PPARGC1A: variants seen among roughly 807,000 people sequenced by gnomAD.
PPARGC1A encodes the protein peroxisome proliferator-activated receptor gamma coactivator 1-alpha.
Under a neutral mutation model 88.7 loss-of-function variants are expected in PPARGC1A, and 25 were observed. The ratio of observed to expected loss-of-function variants is 0.28; its 90% CI spans 0.21 to 0.39. The LOEUF (loss-of-function observed/expected upper bound fraction) is 0.39. Among genes scored for constraint, PPARGC1A ranks in the 10% least tolerant of loss-of-function variants. The pLI is 1.00. For missense variants in PPARGC1A, 880 were observed against 968.7 expected (o/e 0.91, Z 1.22); for synonymous variants, 363 against 355.6 (o/e 1.02, Z -0.24).
chr4:23,806,644 TTG>T (rs1377252777), intron 10 of PPARGC1A, among the ~76,000 whole-genome samples: 1 of 152,186 alleles, frequency 6.6e-6, no homozygotes, highest in African/African-American at 2.4e-5. Flanking sequence ...GATAATAAAA[TTG>T]AAGACTTACA....
At chr4:24,096,898 T>A in the PPARGC1A span, among the ~76,000 whole-genome samples, 1 of 152,284 alleles carries the variant, frequency 6.6e-6, no homozygotes, top group Non-Finnish European at 1.5e-5. Context: ...CAGTCAGTCC[T>A]CCCTGATTTA....
At chr4:24,049,292 GTATATATATATGTGTGTA>G in the PPARGC1A span, among the ~76,000 whole-genome samples, 21 of 92,620 alleles carry the variant, frequency 2.3e-4, no homozygotes, top group African/African-American at 7.2e-4. Flanking sequence ...ATATATGTGT[GTATATATATATGTGTGTA>G]TATATATATA....
chr4:24,364,340 C>T, the PPARGC1A span, among the ~76,000 whole-genome samples: 2 of 152,180 alleles, frequency 1.3e-5, no homozygotes, highest in African/African-American at 4.8e-5. Flanking sequence ...TATGACATTT[C>T]GGATGAGAAA....
At chr4:23,994,711 A>G in the PPARGC1A span, among the ~76,000 whole-genome samples, 1 of 152,174 alleles carries the variant, frequency 6.6e-6, no homozygotes, top group Non-Finnish European at 1.5e-5. Flanking sequence ...ACAAATGCAT[A>G]AAACATCATA....
At chr4:24,036,633 G>C in the PPARGC1A span, among the ~76,000 whole-genome samples, 1 of 150,288 alleles carries the variant, frequency 6.7e-6, no homozygotes, top group Non-Finnish European at 1.5e-5. Context: ...AAAAAAAGAT[G>C]AGAAACAAAA....
chr4:24,212,626 A>G, the PPARGC1A span, among the ~76,000 whole-genome samples: 49 of 152,360 alleles, frequency 3.2e-4, no homozygotes, highest in Admixed American at 8.5e-4. Context: ...AAAAAGGCTT[A>G]TGGTGATAAT....
intron 12 of PPARGC1A, among the ~76,000 whole-genome samples, chr4:23,798,977 C>A (rs1283506391): frequency 6.6e-6 from 1 of 152,070 alleles, no homozygotes; most frequent in Non-Finnish European, 1.5e-5. Context: ...GATGTATAAG[C>A]TAACTTAATT....
At chr4:24,348,478 T>A in the PPARGC1A span, among the ~76,000 whole-genome samples, 2 of 152,200 alleles carry the variant, frequency 1.3e-5, no homozygotes, top group South Asian at 4.1e-4. Flanking sequence ...AATCCCAGAC[T>A]TCTTGGAGGC....
chr4:24,312,453 A>G, the PPARGC1A span, among the ~76,000 whole-genome samples: 1 of 151,950 alleles, frequency 6.6e-6, no homozygotes, highest in African/African-American at 2.4e-5. Context: ...CCCAGGACTG[A>G]GCTCTGAGGC....
chr4:23,901,660 T>C (rs1312151873), upstream of PPARGC1A, among the ~76,000 whole-genome samples: 2 of 152,130 alleles, frequency 1.3e-5, no homozygotes, highest in Non-Finnish European at 2.9e-5. Context: ...TATCAAATTG[T>C]GTTTTAAATG....
intron 1 of PPARGC1A, among the ~76,000 whole-genome samples, chr4:23,899,040 C>T (rs1426744635): frequency 6.8e-6 from 1 of 148,128 alleles, no homozygotes; most frequent in South Asian, 2.2e-4. Flanking sequence ...CGGGGTTTCA[C>T]CATGTTGGTC....
the PPARGC1A span, among the ~76,000 whole-genome samples, chr4:24,334,709 G>T: frequency 6.6e-6 from 1 of 152,204 alleles, no homozygotes. Context: ...ATGTTGGGGG[G>T]CATGTGAAGG....
the PPARGC1A span, among the ~76,000 whole-genome samples, chr4:24,188,990 G>A: frequency 3.9e-5 from 6 of 152,222 alleles, no homozygotes; most frequent in East Asian, 3.9e-4. Flanking sequence ...GCTGACACAC[G>A]CTACAACATG....
chr4:23,915,278 G>A, the PPARGC1A span, among the ~76,000 whole-genome samples: 1 of 152,106 alleles, frequency 6.6e-6, no homozygotes, highest in South Asian at 2.1e-4. Context: ...AAAATGAACA[G>A]GGAAGTAAAT....
intron 2 of PPARGC1A, among the ~76,000 whole-genome samples, chr4:23,862,942 G>A (rs975871784): frequency 6.6e-6 from 1 of 152,056 alleles, no homozygotes; most frequent in African/African-American, 2.4e-5. Context: ...AATAGCAGCC[G>A]CCCCACCTGC....
the PPARGC1A span, among the ~76,000 whole-genome samples, chr4:24,153,595 T>A: frequency 1.3e-5 from 2 of 152,222 alleles, no homozygotes; most frequent in Non-Finnish European, 2.9e-5. Context: ...TGAAATATTT[T>A]TCTGCCGTTT....
the PPARGC1A span, among the ~76,000 whole-genome samples, chr4:24,039,951 C>G: frequency 4.7e-4 from 71 of 152,256 alleles, no homozygotes; most frequent in African/African-American, 1.7e-3. Flanking sequence ...TATTGACACT[C>G]TCAATATCTA....
the PPARGC1A span, among the ~76,000 whole-genome samples, chr4:24,388,628 T>C: frequency 2.9e-4 from 44 of 152,190 alleles, no homozygotes; most frequent in Non-Finnish European, 6.2e-4. Flanking sequence ...CACCATGGAA[T>C]ACTATGCAGC....
At chr4:23,920,484 ACT>A in the PPARGC1A span, among the ~76,000 whole-genome samples, 1 of 151,976 alleles carries the variant, frequency 6.6e-6, no homozygotes. Context: ...ACTGCAGAAA[ACT>A]CTATGTGGCC....
Sources: allele counts gnomAD v4.1 joint callset (sites outside exome capture counted in the v4.1 genomes callset), GRCh38; gene constraint gnomAD v4.1.1; transcripts MANE v1.5; gene names NCBI Gene and HGNC (gene_info 2026-07-23, HGNC 2026-07-21).